Variants in FAM78B observed in about 807,000 individuals in gnomAD.
FAM78B encodes the protein protein FAM78B.
FAM78B carries 10 observed loss-of-function variants against 20.0 expected under a neutral mutation model. The ratio of observed to expected loss-of-function variants is 0.50; its 90% confidence interval spans 0.31 to 0.85. The LOEUF is 0.85. FAM78B is among the 40% of genes least tolerant of loss of function. The pLI is 0.05. For synonymous variants in FAM78B, 135 were observed against 132.8 expected (o/e 1.02, Z -0.12); for missense variants, 283 against 345.0 (o/e 0.82, Z 1.42).
chr1:166,143,383 G>C (rs1288125578), intron 1 of FAM78B, among the ~76,000 whole-genome samples: 3 of 152,014 alleles, frequency 2.0e-5, no homozygotes, highest in Non-Finnish European at 4.4e-5. Context: ...ATGTGGTGTA[G>C]CTCTGCCCTA....
intron 1 of FAM78B, among the ~76,000 whole-genome samples, chr1:166,114,820 T>C (rs556509309): frequency 6.6e-6 from 1 of 152,266 alleles, no homozygotes; most frequent in South Asian, 2.1e-4. Flanking sequence ...TCTTTTTCCT[T>C]CCCAAACTCA....
At chr1:166,085,618 T>C (rs1652798436) in intron 1 of FAM78B, among the ~76,000 whole-genome samples, 1 of 152,252 alleles carries the variant, frequency 6.6e-6, no homozygotes, top group Non-Finnish European at 1.5e-5. Flanking sequence ...GCACAGCGTG[T>C]GAGCAGGAGT....
At chr1:166,148,890 C>T (rs908950746) in intron 1 of FAM78B, among the ~76,000 whole-genome samples, 10 of 152,274 alleles carry the variant, frequency 6.6e-5, no homozygotes, top group Admixed American at 2.0e-4. Context: ...TGAGAATATG[C>T]GGTGTTTGGT....
intron 1 of FAM78B, among the ~76,000 whole-genome samples, chr1:166,115,482 T>C (rs1033066680): frequency 6.6e-6 from 1 of 152,094 alleles, no homozygotes; most frequent in African/African-American, 2.4e-5. Context: ...GTCAAAGAGG[T>C]AGCAGCCCAG....
rs151074709 is a variant in FAM78B at position 166,098,001 on chromosome 1, C to T, written c.264-27238G>A. Among the ~76,000 whole-genome samples the T allele has an allele frequency of 6.8e-3, 1,029 of 152,284 alleles. 20 individuals are homozygous for T. Among genetic ancestry groups the T allele is most frequent in the African/African-American group, 0.023 (974 of 41,542 alleles). On this transcript the variant is annotated intron_variant, in intron 1 of 1. Coordinates refer to ENST00000354422, the MANE Select transcript of FAM78B (RefSeq NM_001017961.5). Reference sequence around the variant, plus strand: ...CACTACACCCCTTTGCCACCTCCAACAGAACAGGTACTGGTATCCATGGCT... The same window carrying T: ...CACTACACCCCTTTGCCACCTCCAATAGAACAGGTACTGGTATCCATGGCT...
intron 1 of FAM78B, among the ~76,000 whole-genome samples, chr1:166,139,292 CA>C (rs1389144460): frequency 6.6e-6 from 1 of 152,118 alleles, no homozygotes; most frequent in Non-Finnish European, 1.5e-5. Flanking sequence ...CTGTCCCTAT[CA>C]GTAGAAGAAT....
chr1:166,087,665 C>T (rs951622612), intron 1 of FAM78B, among the ~76,000 whole-genome samples: 1 of 152,202 alleles, frequency 6.6e-6, no homozygotes, highest in Non-Finnish European at 1.5e-5. Flanking sequence ...TCTCTCTTTG[C>T]CCAGCTTGTA....
rs376347688 is a variant in FAM78B, at chr1:166,070,271, C to G, written c.756G>C (p.Gly252=). ...TAGGAGGGATCACAACCAGAGGTGG[C>G]CCCCGCTTGGGCCTCCACATGAGGA... ...AQVLMWRPKR[G]PPLVVIPPK Residue 252 remains glycine (G), a synonymous_variant, in exon 2 of 2, where the codon GGG becomes GGC. Coordinates refer to ENST00000354422, the MANE Select transcript of FAM78B (RefSeq NM_001017961.5). 6 of 1,553,488 alleles carry G rather than the reference C, an allele frequency of 3.9e-6. No homozygotes were observed. The African/African-American group carries it at 8.2e-5, about 21-fold the overall frequency.
At chr1:166,060,004 C>T (rs1474268338) in exon 3 of FAM78B, 3 of 152,854 alleles carry the variant, frequency 2.0e-5, no homozygotes, top group Admixed American at 6.4e-5. Flanking sequence ...CCATTTTTTC[C>T]CTCTTAAGGT....
intron 1 of FAM78B, among the ~76,000 whole-genome samples, chr1:166,148,536 G>C (rs1571205114): frequency 6.6e-6 from 1 of 152,252 alleles, no homozygotes; most frequent in East Asian, 1.9e-4. Flanking sequence ...GATATCATTT[G>C]TGTAAACGCC....
intron 1 of FAM78B, among the ~76,000 whole-genome samples, chr1:166,160,403 T>C (rs763728233): frequency 2.6e-5 from 4 of 152,200 alleles, no homozygotes; most frequent in Admixed American, 6.5e-5. Flanking sequence ...CTTTACAGCA[T>C]GTAGGTGATA....
chr1:166,076,754 A>G (rs974905726), intron 1 of FAM78B, among the ~76,000 whole-genome samples: 1 of 152,216 alleles, frequency 6.6e-6, no homozygotes, highest in African/African-American at 2.4e-5. Context: ...ATCTGAAGTG[A>G]AAGATGAGTG....
At chr1:166,134,442 C>T (rs1408196333) in intron 1 of FAM78B, among the ~76,000 whole-genome samples, 1 of 151,902 alleles carries the variant, frequency 6.6e-6, no homozygotes, top group Non-Finnish European at 1.5e-5. Context: ...GGCTGAGTAC[C>T]CCCTAGCTTT....
chr1:166,077,706 T>C, intron 1 of FAM78B, among the ~76,000 whole-genome samples: 1 of 138,564 alleles, frequency 7.2e-6, no homozygotes, highest in East Asian at 2.0e-4. Flanking sequence ...ATATAATAAA[T>C]ACATATAATT....
chr1:166,130,916 C>T (rs1654848370), intron 1 of FAM78B, among the ~76,000 whole-genome samples: 1 of 151,616 alleles, frequency 6.6e-6, no homozygotes, highest in Non-Finnish European at 1.5e-5. Context: ...CTAAGCTTGG[C>T]CGATGTCACA....
At chr1:166,073,427 A>C (rs533422000) in intron 1 of FAM78B, among the ~76,000 whole-genome samples, 2 of 152,326 alleles carry the variant, frequency 1.3e-5, no homozygotes, top group African/African-American at 4.8e-5. Flanking sequence ...CTATCTGAAA[A>C]ATATCAAATT....
intron 1 of FAM78B, among the ~76,000 whole-genome samples, chr1:166,073,162 C>A (rs988432396): frequency 6.6e-6 from 1 of 152,168 alleles, no homozygotes; most frequent in Non-Finnish European, 1.5e-5. Flanking sequence ...AGAAATACAA[C>A]AGGCTTCTTA....
intron 1 of FAM78B, among the ~76,000 whole-genome samples, chr1:166,102,663 C>A (rs12025061): frequency 0.17 from 25,229 of 152,118 alleles, 2,255 homozygotes; most frequent in East Asian, 0.27. Context: ...GCTAACTATC[C>A]TAAATATATA....
At chr1:166,080,991 T>C (rs1170261371) in intron 1 of FAM78B, among the ~76,000 whole-genome samples, 2 of 152,208 alleles carry the variant, frequency 1.3e-5, no homozygotes, top group Non-Finnish European at 1.5e-5. Context: ...CTCAGATGCT[T>C]TGCAACCATG....
Sources: allele counts gnomAD v4.1 joint callset (sites outside exome capture counted in the v4.1 genomes callset), GRCh38; gene constraint gnomAD v4.1.1; transcripts MANE v1.5; gene names NCBI Gene and HGNC (gene_info 2026-07-23, HGNC 2026-07-21).